CPEB3: variants seen among roughly 807,000 people sequenced by gnomAD.
CPEB3 encodes cytoplasmic polyadenylation element binding protein 3.
A neutral mutation model predicts 67.2 loss-of-function variants in CPEB3; 20 were observed. That is an observed-to-expected ratio of 0.30 (90% CI 0.21 to 0.43). The LOEUF (loss-of-function observed/expected upper bound fraction) is 0.43. Ranked by LOEUF, CPEB3 falls within the 20% of genes least tolerant of loss-of-function variation. The pLI, the probability that CPEB3 is intolerant of heterozygous loss-of-function variation, is 1.00. For synonymous variants in CPEB3, 376 were observed against 393.1 expected, an observed-to-expected ratio of 0.96 and a Z score of 0.51; for missense variants, 746 against 968.6, an observed-to-expected ratio of 0.77 and a Z score of 3.05.
chr10:92,072,784 C>T (rs939551364), intron 9 of CPEB3, among the ~76,000 whole-genome samples: 2 of 152,260 alleles, frequency 1.3e-5, no homozygotes, highest in South Asian at 2.1e-4. Flanking sequence ...CCTGTGACTG[C>T]CCCACTCTAT....
intron 5 of CPEB3, among the ~76,000 whole-genome samples, chr10:92,144,703 C>T (rs1846596709): frequency 6.6e-6 from 1 of 152,174 alleles, no homozygotes; most frequent in East Asian, 1.9e-4. Context: ...CCTCAGTTTC[C>T]TTATCTATAA....
At chr10:92,218,853 C>T (rs914084808) in intron 2 of CPEB3, among the ~76,000 whole-genome samples, 42 of 151,980 alleles carry the variant, frequency 2.8e-4, no homozygotes, top group African/African-American at 9.9e-4. Flanking sequence ...TCAAATCTGC[C>T]ACCCAGGCTG....
At chr10:92,246,511 C>CTTT (rs755522694) in intron 1 of CPEB3, among the ~76,000 whole-genome samples, 2 of 143,896 alleles carry the variant, frequency 1.4e-5, no homozygotes, top group Non-Finnish European at 3.1e-5. Context: ...AGGATGTCAA[C>CTTT]TTTTTTTTTT....
chr10:92,074,390 T>C (rs1410556934), intron 9 of CPEB3, among the ~76,000 whole-genome samples: 1 of 152,236 alleles, frequency 6.6e-6, no homozygotes, highest in Admixed American at 6.5e-5. Context: ...CCTCCTGAAT[T>C]TGTATCATCT....
intron 4 of CPEB3, among the ~76,000 whole-genome samples, chr10:92,177,942 A>T (rs1047796199): frequency 6.6e-6 from 1 of 152,184 alleles, no homozygotes; most frequent in African/African-American, 2.4e-5. Context: ...AGACCTAGGA[A>T]GCACAAATTT....
chr10:92,068,137 T>C (rs944594632), intron 9 of CPEB3, among the ~76,000 whole-genome samples: 2 of 152,186 alleles, frequency 1.3e-5, no homozygotes, highest in Admixed American at 6.5e-5. Flanking sequence ...GCCTCTGCCA[T>C]ATGTTTATGG....
At chr10:92,241,519 C>T (rs1426012785) in intron 1 of CPEB3, among the ~76,000 whole-genome samples, 1 of 152,100 alleles carries the variant, frequency 6.6e-6, no homozygotes, top group Non-Finnish European at 1.5e-5. Context: ...CATATGCTAG[C>T]AAAAGTGTTA....
At position 92,180,933 on chromosome 10, in the gene CPEB3, T is replaced by C. The variant is rs552163049; in HGVS notation, c.1222+30A>G. Reference sequence around the variant, plus strand: ...TACATGCTGCAAACTTGACTGCTAATTTAATAGAATATTTCATATGAAGAC... The same window carrying C: ...TACATGCTGCAAACTTGACTGCTAACTTAATAGAATATTTCATATGAAGAC... On this transcript the variant is annotated intron_variant, in intron 4 of 9. Transcript: ENST00000265997. 124 of 1,125,894 alleles carry C rather than the reference T, an allele frequency of 1.1e-4. 1 individual carries two copies. The South Asian group carries it at 1.6e-3, about 14-fold the overall frequency. 69.7% of individuals were successfully genotyped at this position (1,125,894 alleles called of 1,614,324 possible).
chr10:92,146,399 G>C (rs1294966917), intron 4 of CPEB3, among the ~76,000 whole-genome samples: 1 of 151,010 alleles, frequency 6.6e-6, no homozygotes, highest in Non-Finnish European at 1.5e-5. Context: ...TAACTTTTGG[G>C]GGAAAAAAGG....
At chr10:92,072,585 T>C (rs192853442) in intron 9 of CPEB3, among the ~76,000 whole-genome samples, 1 of 152,366 alleles carries the variant, frequency 6.6e-6, no homozygotes, top group East Asian at 1.9e-4. Flanking sequence ...CTCTAAAGGT[T>C]AAGCAGTTTG....
intron 1 of CPEB3, among the ~76,000 whole-genome samples, chr10:92,249,846 C>A (rs936213942): frequency 1.3e-5 from 2 of 151,266 alleles, no homozygotes; most frequent in African/African-American, 4.9e-5. Flanking sequence ...CATGGTGAAA[C>A]CCTGTCTCTA....
rs1481172716 is a variant in CPEB3 at position 92,052,128 on chromosome 10, G to C, written c.*84C>G. On this transcript the variant is annotated 3_prime_UTR_variant, in exon 10 of 10. Coordinates refer to ENST00000265997, the MANE Select transcript of CPEB3 (RefSeq NM_014912.5). Reference sequence around the variant, plus strand: ...TCGAGAACGAATGCACAGATTTCCAGAACACTGTAAGCCCTGAGGCAGTGC... The same window carrying C: ...TCGAGAACGAATGCACAGATTTCCACAACACTGTAAGCCCTGAGGCAGTGC... The C allele has an allele frequency of 4.8e-6, 4 of 833,416 alleles. No homozygotes were observed. The highest frequency in any genetic ancestry group is 2.5e-5 in the Admixed American group (1 of 40,730). The allele number at this position is 833,416 out of a possible 1,614,324, so 51.6% of individuals were successfully genotyped here.
chr10:92,062,881 C>T (rs1396443359), intron 9 of CPEB3, among the ~76,000 whole-genome samples: 1 of 152,196 alleles, frequency 6.6e-6, no homozygotes, highest in Non-Finnish European at 1.5e-5. Context: ...TAAGCTGAAC[C>T]TCTGTTTCAA....
At chr10:92,092,645 T>G (rs1490679726) in intron 7 of CPEB3, among the ~76,000 whole-genome samples, 1 of 152,134 alleles carries the variant, frequency 6.6e-6, no homozygotes, top group Non-Finnish European at 1.5e-5. Flanking sequence ...CTGGGTGTAG[T>G]GGCTCACGCC....
intron 9 of CPEB3, among the ~76,000 whole-genome samples, chr10:92,061,916 A>G (rs1205041266): frequency 3.3e-5 from 5 of 152,194 alleles, no homozygotes; most frequent in African/African-American, 9.7e-5. Flanking sequence ...TTGCATACCT[A>G]TATCAAAATA....
chr10:92,237,799 C>T (rs1457544540), intron 2 of CPEB3, among the ~76,000 whole-genome samples: 1 of 152,176 alleles, frequency 6.6e-6, no homozygotes. Context: ...TCCTCCTTTT[C>T]TCTATGAAAT....
At chr10:92,165,713 T>C (rs1407419584) in intron 4 of CPEB3, among the ~76,000 whole-genome samples, 1 of 152,224 alleles carries the variant, frequency 6.6e-6, no homozygotes, top group South Asian at 2.1e-4. Flanking sequence ...ATTTCAACAA[T>C]GTTCACAGCA....
chr10:92,097,638 CAGCCTTCAAGAAATCT>C, intron 7 of CPEB3, among the ~76,000 whole-genome samples: 1 of 152,264 alleles, frequency 6.6e-6, no homozygotes, highest in East Asian at 1.9e-4. Flanking sequence ...ACTTTAACAT[CAGCCTTCAAGAAATCT>C]AAAAGAACTT....
chr10:92,174,249 G>C (rs1366854219), intron 4 of CPEB3, among the ~76,000 whole-genome samples: 1 of 152,336 alleles, frequency 6.6e-6, no homozygotes, highest in Non-Finnish European at 1.5e-5. Context: ...GGATAAAAGG[G>C]AGGGGGAAGA....
Sources: gnomAD v4.1 joint callset for allele counts (sites outside exome capture counted in the v4.1 genomes callset) on GRCh38, gnomAD v4.1.1 for gene constraint, MANE v1.5 for transcripts, NCBI Gene and HGNC (gene_info 2026-07-23, HGNC 2026-07-21) for gene names.